Variants in ASH1L observed in about 807,000 individuals in gnomAD.
ASH1L encodes the protein histone-lysine N-methyltransferase ASH1L.
In ASH1L, 23 loss-of-function variants were observed where a neutral mutation model predicts 269.0. The ratio of observed to expected loss-of-function variants is 0.09; its 90% CI spans 0.06 to 0.12. The LOEUF (loss-of-function observed/expected upper bound fraction) is 0.12. ASH1L is among the 10% of genes least tolerant of loss of function. The pLI is 1.00. For synonymous variants in ASH1L, 1,187 were observed against 1,253.5 expected (o/e 0.95, Z 1.12); for missense variants, 2,912 against 3,567.8 (o/e 0.82, Z 4.68).
Position 155,459,885 on chromosome 1 carries a change from G to A in ASH1L, c.4998C>T (p.Thr1666=). ...AVQTLAGSQP[T]SDKPSQRPSE... ...ATGGCCGCTGGGAGGGTTTATCAGA[G>A]GTTGGCTGGGAGCCTGGAGAAAGAG... is the stretch of plus-strand genomic sequence containing the variant. Residue 1666 remains threonine (T), a synonymous_variant, in exon 4 of 28, where the codon ACC becomes ACT. Coordinates refer to ENST00000392403, the MANE Select transcript of ASH1L (RefSeq NM_018489.3). 1 of 1,598,326 alleles carries A rather than the reference G, an allele frequency of 6.3e-7. No individual in the cohort carries two copies.
At chr1:155,342,611 C>T (rs1652911821) in intron 24 of ASH1L, among the ~76,000 whole-genome samples, 1 of 152,146 alleles carries the variant, frequency 6.6e-6, no homozygotes, top group East Asian at 1.9e-4. Flanking sequence ...CTAATAGTGA[C>T]AAATAACATA....
intron 2 of ASH1L, among the ~76,000 whole-genome samples, chr1:155,497,286 C>CA (rs1411066048): frequency 6.6e-6 from 1 of 152,274 alleles, no homozygotes; most frequent in East Asian, 1.9e-4. Context: ...CACAGTTCAT[C>CA]AATGGATGAA....
At chr1:155,558,278 G>C (rs1178121169) in intron 1 of ASH1L, among the ~76,000 whole-genome samples, 1 of 152,098 alleles carries the variant, frequency 6.6e-6, no homozygotes, top group Admixed American at 6.6e-5. Context: ...AGACCAGCCT[G>C]ACCAACATGG....
intron 4 of ASH1L, among the ~76,000 whole-genome samples, chr1:155,449,802 A>G (rs1663338914): frequency 6.6e-6 from 1 of 151,978 alleles, no homozygotes; most frequent in South Asian, 2.1e-4. Context: ...TACAGGCGTG[A>G]GCCACTGCGC....
chr1:155,554,453 G>A (rs934470308), intron 1 of ASH1L, among the ~76,000 whole-genome samples: 3 of 152,038 alleles, frequency 2.0e-5, no homozygotes. Flanking sequence ...TGTATTTTTA[G>A]TAGAGATGGG....
intron 1 of ASH1L, among the ~76,000 whole-genome samples, chr1:155,551,638 C>T (rs1485987451): frequency 2.3e-5 from 3 of 131,796 alleles, no homozygotes; most frequent in Non-Finnish European, 3.2e-5. Flanking sequence ...CCAGCCTGGG[C>T]GACAGAGCGA....
intron 6 of ASH1L, among the ~76,000 whole-genome samples, chr1:155,402,663 C>G (rs1658949712): frequency 6.6e-6 from 1 of 152,078 alleles, no homozygotes; most frequent in East Asian, 1.9e-4. Flanking sequence ...TCCCACCATC[C>G]CAGTCTACTG....
At chr1:155,425,507 T>C (rs1661077501) in intron 5 of ASH1L, among the ~76,000 whole-genome samples, 3 of 150,196 alleles carry the variant, frequency 2.0e-5, no homozygotes, top group Non-Finnish European at 4.4e-5. Context: ...GGTGCGATCT[T>C]GGCTCACTGC....
At chr1:155,556,360 C>G (rs922175442) in intron 1 of ASH1L, among the ~76,000 whole-genome samples, 2 of 151,748 alleles carry the variant, frequency 1.3e-5, no homozygotes, top group Non-Finnish European at 1.5e-5. Flanking sequence ...CAGCCAGACC[C>G]CAGCTGTAAA....
chr1:155,423,799 G>A (rs776453780), intron 5 of ASH1L, among the ~76,000 whole-genome samples: 22 of 151,838 alleles, frequency 1.4e-4, no homozygotes, highest in Non-Finnish European at 2.4e-4. Context: ...GGCGTGATTC[G>A]GCGCACTGCA....
In ASH1L at chr1:155,377,286, A is replaced by G. The variant is rs192424421; in HGVS notation, c.6332+995T>C. Among the ~76,000 whole-genome samples, 496 of 152,338 alleles carry G rather than the reference A, an allele frequency of 3.3e-3. 3 individuals are homozygous for G. The highest frequency in any genetic ancestry group is 5.2e-3 in the Non-Finnish European group (356 of 68,040). On this transcript the variant is annotated intron_variant, in intron 10 of 27. Transcript: ENST00000392403. ...GAGAATATATCCCCATATGAAGAGC[A>G]TATCCCCTATATGCCGATGGTTTAT... is the stretch of plus-strand genomic sequence containing the variant.
At chr1:155,452,240 T>C (rs1663537084) in intron 4 of ASH1L, among the ~76,000 whole-genome samples, 2 of 151,966 alleles carry the variant, frequency 1.3e-5, no homozygotes, top group Admixed American at 1.3e-4. Flanking sequence ...GGTTTTGCCA[T>C]GTTGGCCAGG....
At chr1:155,552,614 C>G (rs907001190) in intron 1 of ASH1L, among the ~76,000 whole-genome samples, 1 of 152,088 alleles carries the variant, frequency 6.6e-6, no homozygotes. Flanking sequence ...CCACTGCACT[C>G]CAGCATGGAC....
chr1:155,548,212 G>A (rs116278686), intron 1 of ASH1L, among the ~76,000 whole-genome samples: 6 of 152,228 alleles, frequency 3.9e-5, no homozygotes, highest in African/African-American at 1.2e-4. Context: ...AGTAACTAAC[G>A]CATGTGGAGC....
chr1:155,370,385 A>G, intron 12 of ASH1L, 119 bp downstream of exon 12: 3 of 1,272,466 alleles, frequency 2.4e-6, no homozygotes, highest in Non-Finnish European at 3.3e-6. Context: ...GATCTGGGGT[A>G]ATGGGGAACA....
At chr1:155,487,782 T>C (rs531628326) in intron 2 of ASH1L, among the ~76,000 whole-genome samples, 3 of 152,338 alleles carry the variant, frequency 2.0e-5, no homozygotes, top group African/African-American at 7.2e-5. Flanking sequence ...TCTATATGTA[T>C]GTTATACTTA....
Position 155,482,091 on chromosome 1 carries a change from CCAA to C in ASH1L, c.776_778del (p.Val259del), listed in dbSNP as rs1470318422. 1 of 1,614,082 alleles carries C rather than the reference CCAA, an allele frequency of 6.2e-7. No homozygotes were observed. The highest frequency in any genetic ancestry group is 1.7e-5 in the Admixed American group (1 of 60,008). ...CTTATGTATTATTCCAGCTACAGAG[CCAA>C]CACCTGCTTTCCTGATCAAATCCTT... On this transcript the variant is annotated inframe_deletion, in exon 3 of 28. Coordinates refer to ENST00000392403, the MANE Select transcript of ASH1L (RefSeq NM_018489.3).
At chr1:155,342,216 G>A in intron 24 of ASH1L, 114 bp from the exon 25 acceptor site, 1 of 924,360 alleles carries the variant, frequency 1.1e-6, no homozygotes, top group Non-Finnish European at 1.7e-6. Flanking sequence ...ACCCTACATG[G>A]TAGCTATGTA....
At chr1:155,412,178 G>A (rs1659864053) in intron 6 of ASH1L, among the ~76,000 whole-genome samples, 1 of 151,408 alleles carries the variant, frequency 6.6e-6, no homozygotes, top group Non-Finnish European at 1.5e-5. Context: ...GGAGGTGGAG[G>A]TTGCAGTGAG....
Sources: allele counts gnomAD v4.1 joint callset (sites outside exome capture counted in the v4.1 genomes callset), GRCh38; gene constraint gnomAD v4.1.1; transcripts MANE v1.5; gene names NCBI Gene and HGNC (gene_info 2026-07-23, HGNC 2026-07-21).